FAM13B: variants seen among roughly 807,000 people sequenced by gnomAD.
The protein encoded by FAM13B is protein FAM13B.
In FAM13B, 60 loss-of-function variants were observed where a neutral mutation model predicts 117.3. That is an observed-to-expected ratio of 0.51 (90% CI 0.42 to 0.63). FAM13B has a LOEUF of 0.63. Ranked by LOEUF, FAM13B falls within the 30% of genes least tolerant of loss-of-function variation. The pLI, the probability that FAM13B is intolerant of heterozygous loss-of-function variation, is 0.00. For missense variants in FAM13B, 972 were observed against 1,091.9 expected (o/e 0.89, Z 1.55); for synonymous variants, 332 against 356.1 (o/e 0.93, Z 0.76).
At chr5:138,029,023 A>G (rs1225319158) in intron 1 of FAM13B, among the ~76,000 whole-genome samples, 1 of 147,620 alleles carries the variant, frequency 6.8e-6, no homozygotes, top group Non-Finnish European at 1.5e-5. Context: ...TTCGTCTCAA[A>G]AAAAAGAAAA....
At chr5:138,043,146 T>C (rs1225745766) in intron 1 of FAM13B, among the ~76,000 whole-genome samples, 1 of 151,966 alleles carries the variant, frequency 6.6e-6, no homozygotes, top group African/African-American at 2.4e-5. Context: ...CAAGAATCAC[T>C]TGAGGCCAGG....
At chr5:138,032,118 T>A (rs991277518) in intron 1 of FAM13B, among the ~76,000 whole-genome samples, 1 of 152,140 alleles carries the variant, frequency 6.6e-6, no homozygotes, top group African/African-American at 2.4e-5. Context: ...GGCTTAACAG[T>A]TTCCCACTGC....
At chr5:137,946,350 A>AAAAAAC (rs1554114462) in intron 18 of FAM13B, 39 bp from the exon 19 acceptor site, 51 of 1,420,820 alleles carry the variant, frequency 3.6e-5, no homozygotes, top group Non-Finnish European at 4.0e-5. Flanking sequence ...TACAAAAAAA[A>AAAAAAC]AAAAACAAAA....
chr5:137,949,175 T>G lies in FAM13B; in HGVS notation c.1940A>C (p.His647Pro). ...KLRKQIKDAK[H>P]KNSDGEFVPQ... is the part of the protein sequence containing the mutation. The stretch of plus-strand genomic sequence containing the variant: ...TACAAATTCTCCATCAGAATTTTTG[T>G]GTTTTGCATCTACATGTCAGAAATA... The change falls in exon 18 of 24, where the codon CAC becomes CCC. Residue 647 changes from histidine (H) to proline (P), a missense_variant. By Grantham distance (77) the His-to-Pro change is moderately conservative. Transcript: ENST00000689681. 1 of 1,613,844 alleles carries G rather than the reference T, an allele frequency of 6.2e-7. No individual in the cohort carries two copies. Among genetic ancestry groups the G allele is most frequent in the Non-Finnish European group, 8.5e-7 (1 of 1,179,830 alleles).
chr5:137,956,523 A>G lies in FAM13B; in HGVS notation c.1461T>C (p.Phe487=). 1 of 1,597,658 alleles carries G rather than the reference A, an allele frequency of 6.3e-7. No individual in the cohort carries two copies. The highest frequency in any genetic ancestry group is 8.5e-7 in the Non-Finnish European group (1 of 1,171,050). The change falls in exon 14 of 24, where the codon TTT becomes TTC. Residue 487 remains phenylalanine, a synonymous_variant. Transcript: ENST00000689681. ...GCATTGTTTTGAAATCAATGAGGGG[A>G]AAAGTGATAGGGCATGACGCTAATA... The part of the protein sequence containing the change: ...DKWEASCPIT[F]PLIDFKTMHL...
intron 1 of FAM13B, among the ~76,000 whole-genome samples, chr5:138,031,208 T>G (rs560108910): frequency 6.6e-6 from 1 of 152,230 alleles, no homozygotes; most frequent in Admixed American, 6.5e-5. Context: ...AGCCATTTTC[T>G]CTCCTAAAAC....
chr5:137,997,401 G>C (rs1040532692), intron 7 of FAM13B, among the ~76,000 whole-genome samples: 3 of 151,940 alleles, frequency 2.0e-5, no homozygotes, highest in Non-Finnish European at 4.4e-5. Flanking sequence ...CCCGGGAGGC[G>C]GAGGTTGCGG....
intron 10 of FAM13B, among the ~76,000 whole-genome samples, chr5:137,982,103 T>A (rs1345606273): frequency 6.6e-6 from 1 of 152,260 alleles, no homozygotes; most frequent in Non-Finnish European, 1.5e-5. Context: ...TGGCATTATC[T>A]AATTTTCCTC....
chr5:137,983,672 G>C (rs1776456512), intron 10 of FAM13B, among the ~76,000 whole-genome samples: 1 of 152,186 alleles, frequency 6.6e-6, no homozygotes, highest in Non-Finnish European at 1.5e-5. Context: ...ATACACCCAA[G>C]TCTGTGAAAC....
intron 10 of FAM13B, among the ~76,000 whole-genome samples, chr5:137,983,018 T>C (rs1295831306): frequency 6.6e-6 from 1 of 151,774 alleles, no homozygotes; most frequent in Non-Finnish European, 1.5e-5. Context: ...CAGTAGCACA[T>C]AGATGGTAGG....
chr5:138,025,516 G>A (rs2169534), intron 1 of FAM13B, among the ~76,000 whole-genome samples: 148,825 of 151,768 alleles, frequency 0.98, 73,040 homozygotes, highest in Middle Eastern at 1. Context: ...AAAGTTGGGT[G>A]ACATTCAAGA....
chr5:137,985,572 C>T (rs1776993531), intron 9 of FAM13B, among the ~76,000 whole-genome samples, 183 bp from the exon 10 acceptor site: 1 of 152,180 alleles, frequency 6.6e-6, no homozygotes, highest in Non-Finnish European at 1.5e-5. Context: ...ATGTTTTTGT[C>T]TCCTCGGGAT....
chr5:137,948,022 T>C (rs1018609718), intron 18 of FAM13B, among the ~76,000 whole-genome samples: 2 of 151,664 alleles, frequency 1.3e-5, no homozygotes, highest in African/African-American at 4.8e-5. Context: ...AAGATAAGAG[T>C]TCCACATTAG....
Position 137,940,237 on chromosome 5 carries a change from T to G in FAM13B, c.2802A>C (p.Ser934=), listed in dbSNP as rs144675545. The G allele has an allele frequency of 3.3e-5, 53 of 1,614,068 alleles. No homozygotes were observed. The Admixed American group carries it at 5.8e-4, about 18-fold the overall frequency. The change falls in exon 24 of 24, where the codon TCA becomes TCC. Residue 934 remains serine (S), a synonymous_variant. Transcript: ENST00000689681. The stretch of plus-strand genomic sequence containing the variant: ...CAAGGAACGTATCTTATATGGATTT[T>G]GAAGAATCTTGTTTGCTTATAAGAA... The part of the protein sequence containing the change: ...LEVLISKQDS[S]KSI
chr5:137,999,120 C>CT (rs1187795030), intron 7 of FAM13B, among the ~76,000 whole-genome samples: 1,430 of 120,346 alleles, frequency 0.012, 17 homozygotes, highest in Non-Finnish European at 0.016. Context: ...TTTTTTTTGT[C>CT]TTTTTTTTTT....
At chr5:138,026,655 A>C (rs185588302) in intron 1 of FAM13B, among the ~76,000 whole-genome samples, 14,305 of 121,044 alleles carry the variant, frequency 0.12, 1,223 homozygotes, top group South Asian at 0.18. Flanking sequence ...AAAAAAAAAA[A>C]TTGGTCAGGC....
At chr5:137,999,755 C>A (rs1045874113) in intron 7 of FAM13B, among the ~76,000 whole-genome samples, 1 of 152,140 alleles carries the variant, frequency 6.6e-6, no homozygotes, top group African/African-American at 2.4e-5. Flanking sequence ...GAGATCAAGG[C>A]AGCAGCAGAT....
At chr5:137,943,589 C>T (rs1762504030) in intron 20 of FAM13B, among the ~76,000 whole-genome samples, 1 of 152,078 alleles carries the variant, frequency 6.6e-6, no homozygotes. Flanking sequence ...ACTAAAAATA[C>T]AAAAAATTAG....
intron 10 of FAM13B, among the ~76,000 whole-genome samples, chr5:137,963,942 A>G (rs1768914261): frequency 6.6e-6 from 1 of 152,234 alleles, no homozygotes; most frequent in African/African-American, 2.4e-5. Flanking sequence ...TTGTCCACAA[A>G]ACCAGTCCCT....
Sources: allele counts gnomAD v4.1 joint callset (sites outside exome capture counted in the v4.1 genomes callset), GRCh38; gene constraint gnomAD v4.1.1; transcripts MANE v1.5; gene names NCBI Gene and HGNC (gene_info 2026-07-23, HGNC 2026-07-21).